Variants in TNIP1 observed in about 807,000 individuals in gnomAD.
TNIP1 encodes the protein TNFAIP3-interacting protein 1.
In TNIP1, 22 loss-of-function variants were observed where a neutral mutation model predicts 86.6. The observed-to-expected ratio is 0.25, with a 90% confidence interval of 0.18 to 0.36. TNIP1 has a LOEUF of 0.36. TNIP1 is among the 10% of genes least tolerant of loss of function. TNIP1 has a pLI of 1.00. For synonymous variants in TNIP1, 294 were observed against 313.0 expected, an observed-to-expected ratio of 0.94 and a Z score of 0.64; for missense variants, 709 against 820.6, an observed-to-expected ratio of 0.86 and a Z score of 1.66.
chr5:151,049,036 T>C (rs1310805191), intron 8 of TNIP1, among the ~76,000 whole-genome samples: 1 of 152,228 alleles, frequency 6.6e-6, no homozygotes, highest in Non-Finnish European at 1.5e-5. Flanking sequence ...TAGATTTGCA[T>C]GTCCTGGGTA....
In TNIP1 at chr5:151,030,261, G is replaced by A; in HGVS notation, c.*452C>T. On this transcript the variant is annotated 3_prime_UTR_variant, in exon 18 of 18. Transcript: ENST00000521591. ...CACAGCTCCTCACAGAGGGGTAGGG[G>A]TGTGCGTGGGGCAGGTCCTGCTACA... The A allele has an allele frequency of 2.4e-6, 1 of 412,670 alleles. No individual in the cohort carries two copies. Among genetic ancestry groups the A allele is most frequent in the Non-Finnish European group, 5.0e-6 (1 of 202,018 alleles). The allele number at this position is 412,670 out of a possible 1,614,324, so 25.6% of individuals were successfully genotyped here.
chr5:151,042,819 A>G, intron 10 of TNIP1, 77 bp downstream of exon 10: 1 of 1,607,174 alleles, frequency 6.2e-7, no homozygotes, highest in Non-Finnish European at 8.5e-7. Context: ...CCACTCCCCA[A>G]GGTTCAAAGC....
chr5:151,086,855 TGGG>T (rs1366202911), intron 1 of TNIP1, among the ~76,000 whole-genome samples: 5 of 151,760 alleles, frequency 3.3e-5, no homozygotes, highest in African/African-American at 1.2e-4. Flanking sequence ...AGGAACGAGA[TGGG>T]GGAGAGAAGA....
At position 151,069,849 on chromosome 5, in the gene TNIP1, C is replaced by T. The variant is rs141355737; in HGVS notation, c.-36-4718G>A. On this transcript the variant is annotated intron_variant, in intron 1 of 17. Transcript: ENST00000521591. The stretch of plus-strand genomic sequence containing the variant: ...GGAGGAGCATGGGCCACACAGAAAC[C>T]GGGTGATGGCTAAAGCTGGCCTCAG... Among the ~76,000 whole-genome samples the T allele has an allele frequency of 2.3e-3, 349 of 152,272 alleles. 10 individuals carry two copies. Among genetic ancestry groups the T allele is most frequent in the Non-Finnish European group, 3.1e-4 (21 of 68,028 alleles).
At chr5:151,074,222 T>G (rs903316844) in intron 1 of TNIP1, among the ~76,000 whole-genome samples, 3 of 152,142 alleles carry the variant, frequency 2.0e-5, no homozygotes, top group Admixed American at 2.0e-4. Flanking sequence ...TGGTAATTTT[T>G]TTTAAAGGGA....
chr5:151,037,097 A>G (rs1757805055), intron 12 of TNIP1, 176 bp from the exon 13 acceptor site: 1 of 727,460 alleles, frequency 1.4e-6, no homozygotes, highest in Non-Finnish European at 2.1e-6. Flanking sequence ...ATATCATTTC[A>G]TTGGATCTTC....
chr5:151,074,217 ATTTT>A (rs201044027), intron 1 of TNIP1, among the ~76,000 whole-genome samples: 1 of 151,784 alleles, frequency 6.6e-6, no homozygotes, highest in African/African-American at 2.4e-5. Context: ...CTATTTGGTA[ATTTT>A]TTTTAAAGGG....
At chr5:151,060,715 A>T (rs1264754515) in intron 4 of TNIP1, among the ~76,000 whole-genome samples, 2 of 152,202 alleles carry the variant, frequency 1.3e-5, no homozygotes, top group Non-Finnish European at 2.9e-5. Context: ...TGCTTTCATG[A>T]GCTCCATTAT....
At chr5:151,068,865 C>T (rs975177417) in intron 1 of TNIP1, among the ~76,000 whole-genome samples, 3 of 152,360 alleles carry the variant, frequency 2.0e-5, no homozygotes, top group Non-Finnish European at 2.9e-5. Context: ...TCAGCAGGTG[C>T]TCCACCAGCA....
At chr5:151,044,191 G>A (rs957997913) in intron 9 of TNIP1, among the ~76,000 whole-genome samples, 4 of 152,000 alleles carry the variant, frequency 2.6e-5, no homozygotes, top group Non-Finnish European at 5.9e-5. Context: ...GACTACAGGT[G>A]TGTACTACCA....
intron 5 of TNIP1, among the ~76,000 whole-genome samples, chr5:151,057,482 T>G (rs1760824155): frequency 6.6e-6 from 1 of 152,110 alleles, no homozygotes; most frequent in African/African-American, 2.4e-5. Flanking sequence ...TCCCACCACT[T>G]TGGGAGGCTG....
chr5:151,035,746 T>C (rs1445052480), intron 13 of TNIP1, 39 bp from the exon 14 acceptor site: 1 of 1,610,554 alleles, frequency 6.2e-7, no homozygotes, highest in Admixed American at 1.7e-5. Context: ...AGGGGGATGG[T>C]CCTGAGTGGG....
chr5:151,057,914 G>C (rs1760892615), intron 5 of TNIP1, among the ~76,000 whole-genome samples: 1 of 152,128 alleles, frequency 6.6e-6, no homozygotes, highest in African/African-American at 2.4e-5. Flanking sequence ...TCAGGGACTT[G>C]AGCATCCATG....
At position 151,049,965 on chromosome 5, in the gene TNIP1, A is replaced by C; in HGVS notation, c.723-18T>G. 1 of 1,613,900 alleles carries C rather than the reference A, an allele frequency of 6.2e-7. No individual in the cohort carries two copies. The highest frequency in any genetic ancestry group is 8.5e-7 in the Non-Finnish European group (1 of 1,179,924). On this transcript the variant is annotated intron_variant, in intron 7 of 17. Coordinates refer to ENST00000521591, the MANE Select transcript of TNIP1 (RefSeq NM_006058.5). ...TTTCCTCCCTGGGATGGAGGTAAAC[A>C]GAGAAATCACAATGCTGACCCTGAG...
At chr5:151,047,944 A>G (rs1051273944) in intron 8 of TNIP1, among the ~76,000 whole-genome samples, 1 of 151,914 alleles carries the variant, frequency 6.6e-6, no homozygotes, top group Non-Finnish European at 1.5e-5. Context: ...TTCTCTTTCC[A>G]GCGTTCTCTT....
At chr5:151,063,107 C>T (rs940407045) in intron 3 of TNIP1, among the ~76,000 whole-genome samples, 66 of 152,308 alleles carry the variant, frequency 4.3e-4, no homozygotes, top group African/African-American at 1.5e-3. Flanking sequence ...GGGCAGCACA[C>T]GTAACCTTAC....
At position 151,073,185 on chromosome 5, in the gene TNIP1, G is replaced by A. The variant is rs1017233631; in HGVS notation, c.-37+7695C>T. 3.4e-4 allele frequency among the ~76,000 whole-genome samples: 50 copies of A among 145,984 alleles called. No homozygotes were observed. The Middle Eastern group carries it at 0.022, about 63-fold the overall frequency. On this transcript the variant is annotated intron_variant, in intron 1 of 17. Transcript: ENST00000521591. ...TGCAGTAAGCCGAGATCACGCCACA[G>A]CACTCCAGCCTGGGAGACAGAGTGG... is the stretch of plus-strand genomic sequence containing the variant.
At chr5:151,040,738 C>T (rs939123480) in intron 11 of TNIP1, among the ~76,000 whole-genome samples, 1 of 152,198 alleles carries the variant, frequency 6.6e-6, no homozygotes, top group Non-Finnish European at 1.5e-5. Flanking sequence ...GCTGACTGCT[C>T]AAATAAGGCC....
At chr5:151,043,030 A>T (rs997764073) in intron 9 of TNIP1, 69 bp from the exon 10 acceptor site, 3 of 1,521,028 alleles carry the variant, frequency 2.0e-6, no homozygotes, top group Non-Finnish European at 1.8e-6. Context: ...CTCCTGCCCC[A>T]TGTACACCAG....
Sources: allele counts gnomAD v4.1 joint callset (sites outside exome capture counted in the v4.1 genomes callset), GRCh38; gene constraint gnomAD v4.1.1; transcripts MANE v1.5; gene names NCBI Gene and HGNC (gene_info 2026-07-23, HGNC 2026-07-21).